The following GAS7 variants were observed in gnomAD, a reference collection of about 807,000 sequenced individuals.
The protein encoded by GAS7 is growth arrest-specific protein 7.
In GAS7, 28 loss-of-function variants were observed where a neutral mutation model predicts 71.1. The ratio of observed to expected loss-of-function variants is 0.39; its 90% CI spans 0.29 to 0.54. The LOEUF (loss-of-function observed/expected upper bound fraction) is 0.54, where lower values mean the gene tolerates loss of function less well. Among genes scored for constraint, GAS7 ranks in the 20% least tolerant of loss-of-function variants. The pLI, the probability that GAS7 is intolerant of heterozygous loss-of-function variation, is 0.62. For synonymous variants in GAS7, 258 were observed against 245.8 expected (o/e 1.05, Z -0.46); for missense variants, 436 against 627.8 (o/e 0.69, Z 3.27).
chr17:10,121,662 G>A (rs892104197), intron 1 of GAS7, among the ~76,000 whole-genome samples: 1 of 152,170 alleles, frequency 6.6e-6, no homozygotes, highest in Non-Finnish European at 1.5e-5. Flanking sequence ...CGACAGATCT[G>A]TTTTTAAAAA....
chr17:10,085,424 C>T (rs962027504), intron 1 of GAS7, among the ~76,000 whole-genome samples: 2 of 152,196 alleles, frequency 1.3e-5, no homozygotes, highest in African/African-American at 4.8e-5. Flanking sequence ...TGGCTCACGC[C>T]TGTAATCCCA....
intron 1 of GAS7, among the ~76,000 whole-genome samples, chr17:10,089,667 T>TCA (rs1239977947): frequency 1.3e-5 from 2 of 152,086 alleles, no homozygotes; most frequent in Admixed American, 6.6e-5. Context: ...AAGGCCCTGC[T>TCA]CACAGAAGGA....
intron 1 of GAS7, among the ~76,000 whole-genome samples, chr17:10,180,004 C>T (rs2074401837): frequency 6.6e-6 from 1 of 152,136 alleles, no homozygotes; most frequent in African/African-American, 2.4e-5. Context: ...GTAACTTTCA[C>T]AACAATCCTC....
chr17:10,177,141 G>T (rs553471795), intron 1 of GAS7, among the ~76,000 whole-genome samples: 24 of 152,186 alleles, frequency 1.6e-4, no homozygotes, highest in Non-Finnish European at 3.4e-4. Context: ...CCCCATGCAA[G>T]CCAGCAGAAG....
chr17:9,959,452 G>A lies in GAS7; in HGVS notation c.472-197C>T, dbSNP rs1369348042. 9 of 1,432,330 alleles carry A rather than the reference G, an allele frequency of 6.3e-6. No homozygotes were observed. Among genetic ancestry groups the A allele is most frequent in the Non-Finnish European group, 7.3e-6 (8 of 1,095,612 alleles). The allele number at this position is 1,432,330 out of a possible 1,614,324, so 88.7% of individuals were successfully genotyped here. A position where few individuals can be genotyped will look rare whatever the true frequency, so the allele number is the denominator to read the frequency against. ...TGTTCCCACGCCCAGCTCTCGGGCT[G>A]AAGGCGAATTAAGGAAGCCTCCTGC... On this transcript the variant is annotated intron_variant, in intron 4 of 13. Transcript: ENST00000432992. The surrounding 1 kb of genome is among the most constrained non-coding windows in gnomAD (Gnocchi z 5.0).
intron 2 of GAS7, among the ~76,000 whole-genome samples, chr17:10,000,594 C>T (rs2071230380): frequency 6.6e-6 from 1 of 152,176 alleles, no homozygotes; most frequent in African/African-American, 2.4e-5. Flanking sequence ...AGCCAGGTTC[C>T]CAGATACTCA....
At chr17:10,174,081 A>G (rs539054489) in intron 1 of GAS7, among the ~76,000 whole-genome samples, 1 of 152,344 alleles carries the variant, frequency 6.6e-6, no homozygotes, top group East Asian at 1.9e-4. Context: ...ACCCTGGGCC[A>G]GGCACTGTCA....
At chr17:9,929,501 G>A (rs1646640632) in intron 9 of GAS7, among the ~76,000 whole-genome samples, 2 of 152,072 alleles carry the variant, frequency 1.3e-5, no homozygotes, top group African/African-American at 2.4e-5. Flanking sequence ...TTGAGACGGA[G>A]TCTCACTCTG....
chr17:10,015,959 T>C (rs1007642189), intron 2 of GAS7, among the ~76,000 whole-genome samples: 1 of 152,156 alleles, frequency 6.6e-6, no homozygotes, highest in Non-Finnish European at 1.5e-5. Flanking sequence ...CTGTTCCCAC[T>C]ATAAGAAGAT....
rs776521912 is a variant in GAS7 at position 10,198,282 on chromosome 17, C to T, written c.109G>A (p.Gly37Ser). 4 of 1,605,748 alleles carry T rather than the reference C, an allele frequency of 2.5e-6. No homozygotes were observed. The highest frequency in any genetic ancestry group is 2.2e-5 in the East Asian group (1 of 44,826). Reference protein sequence around the residue: ...ELITLLQVPDGGWWEGEKEDG... With the variant: ...ELITLLQVPDSGWWEGEKEDG... ...TCCTTCTCGCCTTCCCACCAGCCGC[C>T]GTCCGGGACCTGCAGCAGCGTGATC... The change falls in exon 1 of 14, where the codon GGC becomes AGC. Residue 37 changes from glycine to serine, a missense_variant. Coordinates refer to ENST00000432992, the MANE Select transcript of GAS7 (RefSeq NM_201433.2).
chr17:10,069,708 C>T (rs2073320422), intron 1 of GAS7, among the ~76,000 whole-genome samples: 1 of 152,176 alleles, frequency 6.6e-6, no homozygotes, highest in South Asian at 2.1e-4. Context: ...GATCACCATT[C>T]TAATTTTCAG....
intron 5 of GAS7, among the ~76,000 whole-genome samples, chr17:9,955,943 G>A (rs1286037445): frequency 6.6e-6 from 1 of 152,220 alleles, no homozygotes; most frequent in Admixed American, 6.5e-5. Flanking sequence ...TTCCTGCAGG[G>A]CTTTTCCGCA....
intron 1 of GAS7, among the ~76,000 whole-genome samples, chr17:10,186,015 G>C (rs556239109): frequency 1.3e-5 from 2 of 149,628 alleles, no homozygotes; most frequent in Non-Finnish European, 3.0e-5. Context: ...GAGTGCAGTG[G>C]CGCATTCTCG....
intron 9 of GAS7, among the ~76,000 whole-genome samples, chr17:9,933,258 A>C (rs1369423882): frequency 6.6e-5 from 10 of 152,218 alleles, no homozygotes; most frequent in Middle Eastern, 3.2e-3. Flanking sequence ...ATTTTGCAAC[A>C]ACCACAAATT....
chr17:10,120,273 G>A (rs2073894158), intron 1 of GAS7, among the ~76,000 whole-genome samples: 1 of 152,204 alleles, frequency 6.6e-6, no homozygotes, highest in African/African-American at 2.4e-5. Context: ...CATTCTTGCA[G>A]AAATGCTTCC....
chr17:10,147,670 T>C (rs887522690), intron 1 of GAS7, among the ~76,000 whole-genome samples: 5 of 152,164 alleles, frequency 3.3e-5, no homozygotes, highest in African/African-American at 1.2e-4. Context: ...ACTGGGCAAG[T>C]GGGCTTGTAC....
At chr17:10,104,831 C>G (rs778630623) in intron 1 of GAS7, among the ~76,000 whole-genome samples, 1 of 151,828 alleles carries the variant, frequency 6.6e-6, no homozygotes, top group Non-Finnish European at 1.5e-5. Context: ...TACATTATTA[C>G]GATGATCTTC....
intron 1 of GAS7, among the ~76,000 whole-genome samples, chr17:10,091,145 C>T (rs1683099913): frequency 6.6e-6 from 1 of 152,134 alleles, no homozygotes; most frequent in Admixed American, 6.6e-5. Context: ...CTCTACCCAG[C>T]AGCCAGAGTG....
intron 1 of GAS7, among the ~76,000 whole-genome samples, chr17:10,102,811 C>G (rs2073717684): frequency 6.6e-6 from 1 of 151,200 alleles, no homozygotes; most frequent in Non-Finnish European, 1.5e-5. Context: ...CCAACATTGA[C>G]AAGACCCATT....
Sources: gnomAD v4.1 joint callset for allele counts (sites outside exome capture counted in the v4.1 genomes callset) on GRCh38, gnomAD v4.1.1 for gene constraint, Gnocchi (gnomAD v3.1) non-coding constraint, MANE v1.5 for transcripts, NCBI Gene and HGNC (gene_info 2026-07-23, HGNC 2026-07-21) for gene names.